Variants in FOXO3 observed in about 807,000 individuals in gnomAD.
FOXO3 encodes forkhead box O3, also known as forkhead box protein O3.
In FOXO3, 4 loss-of-function variants were observed where a neutral mutation model predicts 41.9. That is an observed-to-expected ratio of 0.10 (90% CI 0.05 to 0.22). The LOEUF is 0.22. Among genes scored for constraint, FOXO3 ranks in the 10% least tolerant of loss-of-function variants. The pLI, the probability that FOXO3 is intolerant of heterozygous loss-of-function variation, is 1.00. For synonymous variants in FOXO3, 318 were observed against 389.3 expected (o/e 0.82, Z 2.16); for missense variants, 534 against 906.8 (o/e 0.59, Z 5.28).
chr6:108,635,454 C>T (rs181739366), intron 1 of FOXO3, among the ~76,000 whole-genome samples: 30 of 152,252 alleles, frequency 2.0e-4, no homozygotes, highest in Admixed American at 1.6e-3. Context: ...GAAGCAAATA[C>T]GGCACAATAC....
rs777043039 is a variant in FOXO3, at chr6:108,664,368, G to A, written c.1535G>A (p.Arg512His). The change falls in exon 2 of 3, where the codon CGC becomes CAC. Residue 512 changes from arginine (R) to histidine (H), a missense_variant. Around this residue, in one of 8 missense-constraint regions of FOXO3, gnomAD observed 94 missense variants for 214.4 expected, o/e 0.44. Transcript: ENST00000406360. ...AQNSRRNVML[R>H]NDPMMSFAAQ... is the part of the protein sequence containing the mutation. ...AATTCCCGCCGGAACGTGATGCTTC[G>A]CAATGATCCGATGATGTCCTTTGCT... 33 of 1,613,528 alleles carry A rather than the reference G, an allele frequency of 2.0e-5. No homozygotes were observed. Among genetic ancestry groups the A allele is most frequent in the South Asian group, 7.7e-5 (7 of 91,034 alleles).
At chr6:108,648,071 G>A (rs150097529) in intron 1 of FOXO3, among the ~76,000 whole-genome samples, 3 of 152,256 alleles carry the variant, frequency 2.0e-5, no homozygotes, top group East Asian at 1.9e-4. Context: ...TCACTGTGGC[G>A]AGGGGAGAGA....
intron 1 of FOXO3, among the ~76,000 whole-genome samples, chr6:108,575,969 G>A (rs979284592): frequency 2.6e-5 from 4 of 152,154 alleles, no homozygotes; most frequent in African/African-American, 7.2e-5. Context: ...ATTGACTTAC[G>A]AAAATGTCAT....
At chr6:108,571,498 T>C (rs554168958) in intron 1 of FOXO3, among the ~76,000 whole-genome samples, 51 of 152,294 alleles carry the variant, frequency 3.3e-4, no homozygotes, top group African/African-American at 1.0e-3. Flanking sequence ...TGAAGTCATA[T>C]CGGCTTAGGG....
At position 108,561,174 on chromosome 6, in the gene FOXO3, C is replaced by T. The variant is rs1019726553; in HGVS notation, c.-35C>T. ...CCCGCCCCGGCGCGAGAGGAGAGCG[C>T]GAGAGCCCCAGCCGCGGGCGGGCGG... On this transcript the variant is annotated 5_prime_UTR_variant, in exon 1 of 3. Transcript: ENST00000406360. 1.1e-5 allele frequency: 16 copies of T among 1,519,928 alleles called. No individual in the cohort carries two copies. The Admixed American group carries it at 1.8e-4, about 17-fold the overall frequency. The allele number at this position is 1,519,928 out of a possible 1,614,324, so 94.2% of individuals were successfully genotyped here. A position where few individuals can be genotyped will look rare whatever the true frequency, so the allele number is the denominator to read the frequency against.
intron 1 of FOXO3, among the ~76,000 whole-genome samples, chr6:108,640,139 G>A (rs575229746): frequency 1.7e-3 from 255 of 152,330 alleles, no homozygotes; most frequent in Non-Finnish European, 3.1e-3. Flanking sequence ...ATCAGAATTT[G>A]GAGGAAGTGA....
rs536304664 is a variant in FOXO3 at position 108,682,380 on chromosome 6, TTTTTG to T, written c.*2603_*2607del. On this transcript the variant is annotated 3_prime_UTR_variant, in exon 3 of 3. Coordinates refer to ENST00000406360, the MANE Select transcript of FOXO3 (RefSeq NM_001455.4). ...GAGAATGAAGAGGGAATGCTTTGGT[TTTTTG>T]TTTTGTTTTGTTTTTTCTTTTTCAA... 1.3e-5 allele frequency: 2 copies of T among 152,396 alleles called. No homozygotes were observed. The highest frequency in any genetic ancestry group is 1.9e-4 in the East Asian group (1 of 5,192). The allele number at this position is 152,396 out of a possible 1,614,324, so 9.4% of individuals were successfully genotyped here.
intron 1 of FOXO3, among the ~76,000 whole-genome samples, chr6:108,578,967 T>C (rs1776336542): frequency 6.6e-6 from 1 of 152,192 alleles, no homozygotes; most frequent in Non-Finnish European, 1.5e-5. Flanking sequence ...TTGGACTCTG[T>C]AGTCCATTAA....
intron 2 of FOXO3, among the ~76,000 whole-genome samples, chr6:108,666,891 T>C (rs1779078867): frequency 6.6e-6 from 1 of 152,206 alleles, no homozygotes; most frequent in Non-Finnish European, 1.5e-5. Flanking sequence ...CCAGCCCTTT[T>C]GCTTTGTTTT....
At chr6:108,574,669 T>TA (rs1349858178) in intron 1 of FOXO3, among the ~76,000 whole-genome samples, 1 of 152,168 alleles carries the variant, frequency 6.6e-6, no homozygotes. Flanking sequence ...CTGGCCAGGT[T>TA]AGTGTTTATC....
chr6:108,590,457 A>G (rs1400697233), intron 1 of FOXO3, among the ~76,000 whole-genome samples: 3 of 152,226 alleles, frequency 2.0e-5, no homozygotes, highest in African/African-American at 7.2e-5. Flanking sequence ...TGTTCTGTGC[A>G]CGAAATTATT....
chr6:108,580,090 T>TTTTCATGAAACATATCTATTAG (rs1466286553), intron 1 of FOXO3, among the ~76,000 whole-genome samples: 1 of 152,168 alleles, frequency 6.6e-6, no homozygotes, highest in East Asian at 1.9e-4. Context: ...TTATCTATCA[T>TTTTCATGAAACATATCTATTAG]TTTCATGGCT....
intron 1 of FOXO3, among the ~76,000 whole-genome samples, chr6:108,623,869 A>G (rs1196465366): frequency 6.6e-6 from 1 of 152,188 alleles, no homozygotes; most frequent in Non-Finnish European, 1.5e-5. Flanking sequence ...CCTTTCATCT[A>G]AGAAATACAG....
chr6:108,578,726 T>C (rs1439606873), intron 1 of FOXO3, among the ~76,000 whole-genome samples: 3 of 152,276 alleles, frequency 2.0e-5, no homozygotes, highest in South Asian at 4.1e-4. Context: ...CACTGACTCA[T>C]CCCCAGACAG....
intron 1 of FOXO3, among the ~76,000 whole-genome samples, chr6:108,635,071 G>A (rs894319295): frequency 6.6e-6 from 1 of 151,938 alleles, no homozygotes; most frequent in African/African-American, 2.4e-5. Context: ...GGCTGAGGCA[G>A]GCAGATAACA....
intron 1 of FOXO3, among the ~76,000 whole-genome samples, chr6:108,576,011 T>G (rs1776252271): frequency 6.6e-6 from 1 of 152,252 alleles, no homozygotes. Flanking sequence ...ATCTTCGAGC[T>G]GATGCTGGTG....
At position 108,683,095 on chromosome 6, in the gene FOXO3, A is replaced by G. The variant is rs1031277292; in HGVS notation, c.*3303A>G. Reference sequence around the variant, plus strand: ...GGTTTCCTTTATTGCTTCCTCTGCAATATGATTGCTGAAACACATTTTAAA... The same window carrying G: ...GGTTTCCTTTATTGCTTCCTCTGCAGTATGATTGCTGAAACACATTTTAAA... On this transcript the variant is annotated 3_prime_UTR_variant, in exon 3 of 3. Coordinates refer to ENST00000406360, the MANE Select transcript of FOXO3 (RefSeq NM_001455.4). The G allele has an allele frequency of 3.3e-5, 5 of 152,674 alleles. No individual in the cohort carries two copies. The highest frequency in any genetic ancestry group is 1.9e-4 in the East Asian group (1 of 5,198). 9.5% of individuals were successfully genotyped at this position (152,674 alleles called of 1,614,324 possible).
intron 1 of FOXO3, among the ~76,000 whole-genome samples, chr6:108,564,945 A>G (rs1775915301): frequency 6.6e-6 from 1 of 152,192 alleles, no homozygotes; most frequent in Admixed American, 6.5e-5. Flanking sequence ...TAGAGAGGTA[A>G]TTAGTAGCCA....
At chr6:108,648,862 GGGCGC>G (rs1263813447) in intron 1 of FOXO3, among the ~76,000 whole-genome samples, 2 of 151,614 alleles carry the variant, frequency 1.3e-5, no homozygotes, top group Non-Finnish European at 2.9e-5. Flanking sequence ...TGAAGTGTAG[GGGCGC>G]ACACCTGTGT....
Sources: gnomAD v4.1 joint callset for allele counts (sites outside exome capture counted in the v4.1 genomes callset) on GRCh38, gnomAD v4.1.1 for gene constraint, gnomAD v4.1.1 regional missense constraint, MANE v1.5 for transcripts, NCBI Gene and HGNC (gene_info 2026-07-23, HGNC 2026-07-21) for gene names.